AFF3: variants seen among roughly 807,000 people sequenced by gnomAD.
AFF3 encodes the protein ALF transcription elongation factor 3.
Under a neutral mutation model 129.7 loss-of-function variants are expected in AFF3, and 32 were observed. The observed-to-expected ratio is 0.25, with a 90% CI of 0.19 to 0.33. The LOEUF (loss-of-function observed/expected upper bound fraction) is 0.33. Ranked by LOEUF, AFF3 falls within the 10% of genes least tolerant of loss-of-function variation. The pLI, the probability that AFF3 is intolerant of heterozygous loss-of-function variation, is 1.00. For synonymous variants in AFF3, 644 were observed against 635.4 expected (o/e 1.01, Z -0.20); for missense variants, 1,373 against 1,592.0 (o/e 0.86, Z 2.34).
chr2:99,966,645 C>G (rs1362655240), intron 7 of AFF3, among the ~76,000 whole-genome samples: 3 of 132,372 alleles, frequency 2.3e-5, no homozygotes, highest in South Asian at 2.4e-4. Flanking sequence ...AGCCGAGATC[C>G]CGCCACTGCA....
chr2:99,740,305 T>A (rs1196767602), intron 10 of AFF3, among the ~76,000 whole-genome samples: 2 of 151,316 alleles, frequency 1.3e-5, no homozygotes, highest in African/African-American at 4.9e-5. Flanking sequence ...CAGCATGATT[T>A]ATAGTCCTTT....
At chr2:99,810,330 C>T (rs1430058333) in intron 8 of AFF3, among the ~76,000 whole-genome samples, 4 of 152,172 alleles carry the variant, frequency 2.6e-5, no homozygotes, top group South Asian at 2.1e-4. Flanking sequence ...CTTACCTGGC[C>T]GCTTTAACCT....
At chr2:99,772,817 G>C (rs1025649854) in intron 8 of AFF3, among the ~76,000 whole-genome samples, 1 of 152,166 alleles carries the variant, frequency 6.6e-6, no homozygotes, top group Admixed American at 6.5e-5. Context: ...GCAGCTAAGG[G>C]AAAGGCCGTC....
At chr2:100,042,814 T>A (rs1685544628) in intron 4 of AFF3, among the ~76,000 whole-genome samples, 1 of 152,204 alleles carries the variant, frequency 6.6e-6, no homozygotes, top group Non-Finnish European at 1.5e-5. Flanking sequence ...GCCTAGAACA[T>A]CAGAGTTGCT....
At chr2:99,712,008 T>C (rs946371363) in intron 11 of AFF3, among the ~76,000 whole-genome samples, 2 of 152,166 alleles carry the variant, frequency 1.3e-5, no homozygotes, top group Non-Finnish European at 2.9e-5. Context: ...GAAGAGCTCA[T>C]TGCAAAAGGG....
chr2:99,740,738 T>C (rs4643586), intron 10 of AFF3, among the ~76,000 whole-genome samples: 105,094 of 145,148 alleles, frequency 0.72, 38,742 homozygotes, highest in East Asian at 0.91. Context: ...GAGTAGGTTG[T>C]GAAAATTTTC....
At chr2:100,029,890 C>T (rs1559071271) in intron 4 of AFF3, among the ~76,000 whole-genome samples, 4 of 152,114 alleles carry the variant, frequency 2.6e-5, no homozygotes, top group South Asian at 4.2e-4. Flanking sequence ...CATGGCGAAA[C>T]GCTGACTCTA....
At chr2:99,914,519 A>G (rs1251529604) in intron 7 of AFF3, among the ~76,000 whole-genome samples, 3 of 152,230 alleles carry the variant, frequency 2.0e-5, no homozygotes, top group Non-Finnish European at 4.4e-5. Context: ...TGTAGATTAT[A>G]GCATTGTATT....
intron 4 of AFF3, among the ~76,000 whole-genome samples, chr2:100,062,092 G>A (rs529803044): frequency 1.3e-5 from 2 of 152,332 alleles, no homozygotes; most frequent in African/African-American, 4.8e-5. Context: ...TTATGATGGG[G>A]ATGTCGACCA....
At chr2:100,018,430 G>C (rs1011045925) in intron 4 of AFF3, among the ~76,000 whole-genome samples, 14 of 152,096 alleles carry the variant, frequency 9.2e-5, no homozygotes, top group African/African-American at 3.4e-4. Context: ...GTTTTCGAGA[G>C]ATGACAGATA....
At chr2:99,945,593 T>C (rs915993294) in intron 7 of AFF3, among the ~76,000 whole-genome samples, 9 of 152,176 alleles carry the variant, frequency 5.9e-5, no homozygotes, top group African/African-American at 2.2e-4. Flanking sequence ...TCCTGCTATC[T>C]AGCAGGGGAA....
intron 7 of AFF3, among the ~76,000 whole-genome samples, chr2:99,947,519 G>A (rs568787836): frequency 1.4e-4 from 14 of 99,352 alleles, no homozygotes; most frequent in African/African-American, 7.7e-4. Flanking sequence ...AAAAGAGAGA[G>A]AGAGAAAGAA....
chr2:99,842,873 C>T (rs1689425580), intron 7 of AFF3, among the ~76,000 whole-genome samples: 1 of 152,128 alleles, frequency 6.6e-6, no homozygotes, highest in Non-Finnish European at 1.5e-5. Flanking sequence ...TATTTCATTG[C>T]AGAGATGGGC....
At chr2:99,965,458 G>A (rs2104370473) in intron 7 of AFF3, among the ~76,000 whole-genome samples, 1 of 152,318 alleles carries the variant, frequency 6.6e-6, no homozygotes, top group African/African-American at 2.4e-5. Flanking sequence ...GTGCACAGTA[G>A]ATAAATGAAA....
chr2:99,563,349 C>T lies in AFF3; in HGVS notation c.3119+2138G>A, dbSNP rs1217928856. ...AGGACTACAGGTGCCGGCCACCACG[C>T]CCGGCTAATTTTTTGTATTTTTAGT... On this transcript the variant is annotated intron_variant, in intron 20 of 24. Transcript: ENST00000672756. 4.6e-5 allele frequency among the ~76,000 whole-genome samples: 7 copies of T among 151,776 alleles called. No homozygotes were observed. In the East Asian group the frequency reaches 1.4e-3, roughly 30 times the overall value.
At chr2:99,914,760 A>C (rs987337784) in intron 7 of AFF3, among the ~76,000 whole-genome samples, 1 of 141,772 alleles carries the variant, frequency 7.1e-6, no homozygotes, top group African/African-American at 2.8e-5. Context: ...CTAAAAATAC[A>C]AAAAAAAAAA....
At chr2:99,563,254 G>A (rs1461509182) in intron 20 of AFF3, among the ~76,000 whole-genome samples, 5 of 151,486 alleles carry the variant, frequency 3.3e-5, no homozygotes, top group African/African-American at 1.2e-4. Context: ...GCAGTGGCGC[G>A]ATCTTGGCTC....
At chr2:100,016,509 ATAG>A (rs1043940992) in intron 4 of AFF3, among the ~76,000 whole-genome samples, 3 of 141,074 alleles carry the variant, frequency 2.1e-5, no homozygotes, top group African/African-American at 8.1e-5. Flanking sequence ...ACTGGTGGTG[ATAG>A]TGGTGGTGGC....
At chr2:100,074,388 T>C (rs1298436196) in intron 4 of AFF3, among the ~76,000 whole-genome samples, 1 of 152,194 alleles carries the variant, frequency 6.6e-6, no homozygotes, top group Non-Finnish European at 1.5e-5. Flanking sequence ...TGCCTGCATG[T>C]CCAACCCTGA....
Sources: gnomAD v4.1 joint callset for allele counts (sites outside exome capture counted in the v4.1 genomes callset) on GRCh38, gnomAD v4.1.1 for gene constraint, MANE v1.5 for transcripts, NCBI Gene and HGNC (gene_info 2026-07-23, HGNC 2026-07-21) for gene names.